The following PIK3AP1 variants were observed in gnomAD, a reference collection of about 807,000 sequenced individuals.
The protein encoded by PIK3AP1 is phosphoinositide-3-kinase adaptor protein 1.
Under a neutral mutation model 88.1 loss-of-function variants are expected in PIK3AP1, and 21 were observed. The observed-to-expected ratio is 0.24, with a 90% CI of 0.17 to 0.34. PIK3AP1 has a LOEUF of 0.34. PIK3AP1 is among the 10% of genes least tolerant of loss of function. The pLI, the probability that PIK3AP1 is intolerant of heterozygous loss-of-function variation, is 1.00. For missense variants in PIK3AP1, 828 were observed against 1,035.7 expected (o/e 0.80, Z 2.75); for synonymous variants, 398 against 400.0 (o/e 1.00, Z 0.06).
rs534560700 is a variant in PIK3AP1, at chr10:96,646,733, G to A, written c.1186-1071C>T. On this transcript the variant is annotated intron_variant, in intron 7 of 16. Coordinates refer to ENST00000339364, the MANE Select transcript of PIK3AP1 (RefSeq NM_152309.3). Reference sequence around the variant, plus strand: ...GTGCCCAAAAGGAGAGATGATCTTGGATAAAGTGTCCTGACATCAGAAAGG... The same window carrying A: ...GTGCCCAAAAGGAGAGATGATCTTGAATAAAGTGTCCTGACATCAGAAAGG... Among the ~76,000 whole-genome samples the A allele has an allele frequency of 7.9e-5, 12 of 152,194 alleles. No homozygotes were observed. In the South Asian group the frequency reaches 2.5e-3, roughly 32 times the overall value.
At chr10:96,632,977 T>C (rs759292781) in intron 8 of PIK3AP1, 1 of 1,612,860 alleles carries the variant, frequency 6.2e-7, no homozygotes, top group East Asian at 2.2e-5. Flanking sequence ...TGGTCTTCCT[T>C]TGAGCCAGTC....
chr10:96,631,651 G>A (rs1466179332), intron 8 of PIK3AP1, among the ~76,000 whole-genome samples: 1 of 152,184 alleles, frequency 6.6e-6, no homozygotes, highest in African/African-American at 2.4e-5. Flanking sequence ...CAATTTGGGA[G>A]GCCAAGGCGG....
chr10:96,683,600 T>C (rs1002926804), intron 2 of PIK3AP1, among the ~76,000 whole-genome samples: 2 of 152,242 alleles, frequency 1.3e-5, no homozygotes, highest in Non-Finnish European at 2.9e-5. Flanking sequence ...TTCAGTTGTA[T>C]TGAAAATTGA....
intron 2 of PIK3AP1, among the ~76,000 whole-genome samples, chr10:96,695,211 A>C (rs769843822): frequency 6.6e-5 from 10 of 152,238 alleles, no homozygotes; most frequent in Non-Finnish European, 1.5e-4. Context: ...ACCCTGGTTC[A>C]GAACAAGTTA....
At chr10:96,687,162 A>G (rs1382853157) in intron 2 of PIK3AP1, among the ~76,000 whole-genome samples, 3 of 146,738 alleles carry the variant, frequency 2.0e-5, no homozygotes, top group Non-Finnish European at 4.5e-5. Context: ...AGGCTGAGGC[A>G]GGAGAATAGT....
Position 96,616,750 on chromosome 10 carries a change from G to A in PIK3AP1, c.1942-39C>T, listed in dbSNP as rs753424818. 2.6e-6 allele frequency: 4 copies of A among 1,562,660 alleles called. No homozygotes were observed. The Admixed American group carries it at 5.0e-5, about 20-fold the overall frequency. ...TGGTTTATTTTTTAAGTGTACAACA[G>A]GATGATACCCTCTGGACATGAGAGT... is the stretch of plus-strand genomic sequence containing the variant. On this transcript the variant is annotated intron_variant, in intron 12 of 16. Coordinates refer to ENST00000339364, the MANE Select transcript of PIK3AP1 (RefSeq NM_152309.3).
rs1844075933 is a variant in PIK3AP1, at chr10:96,686,849, A to T, written c.430+22718T>A. Among the ~76,000 whole-genome samples, 3 of 152,136 alleles carry T rather than the reference A, an allele frequency of 2.0e-5. No individual in the cohort carries two copies. The South Asian group carries it at 6.2e-4, about 32-fold the overall frequency. ...AAAAATACATAAAATTTCAACATGG[A>T]TCCCACAATGGCCCACTCTGCCCTG... On this transcript the variant is annotated intron_variant, in intron 2 of 16. Coordinates refer to ENST00000339364, the MANE Select transcript of PIK3AP1 (RefSeq NM_152309.3).
In PIK3AP1 at chr10:96,646,797, A is replaced by G. The variant is rs552739245; in HGVS notation, c.1186-1135T>C. On this transcript the variant is annotated intron_variant, in intron 7 of 16. Coordinates refer to ENST00000339364, the MANE Select transcript of PIK3AP1 (RefSeq NM_152309.3). ...CCCACTGCCATCCTGCCTCCATGTG[A>G]TTGTGAAGCCAGAGAGGTGACTTCC... 2.6e-5 allele frequency among the ~76,000 whole-genome samples: 4 copies of G among 152,260 alleles called. No homozygotes were observed. The South Asian group carries it at 8.3e-4, about 32-fold the overall frequency.
At chr10:96,603,572 A>G (rs918202736) in intron 15 of PIK3AP1, among the ~76,000 whole-genome samples, 4 of 151,942 alleles carry the variant, frequency 2.6e-5, no homozygotes, top group Admixed American at 6.6e-5. Flanking sequence ...CTGGACTCCA[A>G]GTTCTCCAGT....
At chr10:96,716,142 C>T (rs534575153) in intron 1 of PIK3AP1, among the ~76,000 whole-genome samples, 86 of 149,238 alleles carry the variant, frequency 5.8e-4, no homozygotes, top group Non-Finnish European at 6.3e-4. Context: ...ATTAGCCAGG[C>T]GTGGTGGCAT....
At position 96,594,625 on chromosome 10, in the gene PIK3AP1, A is replaced by G. The variant is rs112967452; in HGVS notation, c.*952T>C. The G allele has an allele frequency of 6.6e-6, 1 of 152,168 alleles. No homozygotes were observed. The highest frequency in any genetic ancestry group is 1.5e-5 in the Non-Finnish European group (1 of 68,028). 9.4% of individuals were successfully genotyped at this position (152,168 alleles called of 1,614,324 possible). Reference sequence around the variant, plus strand: ...AAAAGTCAAAGGTCCTTCTCTCTCTATGACCAGAAATAAAACCTATAAAGG... The same window carrying G: ...AAAAGTCAAAGGTCCTTCTCTCTCTGTGACCAGAAATAAAACCTATAAAGG... On this transcript the variant is annotated 3_prime_UTR_variant, in exon 17 of 17. Transcript: ENST00000339364. The surrounding 1 kb of genome is among the most constrained non-coding windows in gnomAD (Gnocchi z 4.6).
At chr10:96,641,818 T>C (rs1843393139) in intron 8 of PIK3AP1, among the ~76,000 whole-genome samples, 2 of 152,214 alleles carry the variant, frequency 1.3e-5, no homozygotes, top group Admixed American at 6.5e-5. Flanking sequence ...ATCACGGGGA[T>C]ACAGGCAGTC....
intron 16 of PIK3AP1, among the ~76,000 whole-genome samples, chr10:96,597,271 T>TTTCTTTCCTTCCTTCC (rs1373374065): frequency 9.1e-4 from 98 of 107,586 alleles, no homozygotes; most frequent in East Asian, 2.9e-3. Flanking sequence ...TCTTTCTTTC[T>TTTCTTTCCTTCCTTCC]TTCCTTCCTT....
intron 14 of PIK3AP1, among the ~76,000 whole-genome samples, chr10:96,609,054 A>G (rs1000240376): frequency 2.6e-5 from 4 of 152,216 alleles, no homozygotes; most frequent in African/African-American, 7.2e-5. Context: ...TCAGACGACT[A>G]TTGAAGCTTT....
At chr10:96,685,618 T>C (rs769671239) in intron 2 of PIK3AP1, among the ~76,000 whole-genome samples, 18 of 152,222 alleles carry the variant, frequency 1.2e-4, no homozygotes, top group Non-Finnish European at 1.8e-4. Context: ...ATGAAGCCTA[T>C]GAAAGTCTTG....
Position 96,652,830 on chromosome 10 carries a change from C to A in PIK3AP1, c.580G>T (p.Val194Phe), listed in dbSNP as rs1843559320. ...DRIRCGAETT[V>F]YVIVRCKLDD... ...AGCTTACATCTCACAATAACATAGA[C>A]AGTGGTTTCTGCCTGAAACGGGAAG... is the stretch of plus-strand genomic sequence containing the variant. Residue 194 changes from valine (V) to phenylalanine (F), a missense_variant, in exon 4 of 17, where the codon GTC becomes TTC. Physicochemically the swap from Val to Phe is conservative, Grantham distance 50. Coordinates refer to ENST00000339364, the MANE Select transcript of PIK3AP1 (RefSeq NM_152309.3). The A allele has an allele frequency of 6.2e-7, 1 of 1,613,584 alleles. No homozygotes were observed. The highest frequency in any genetic ancestry group is 8.5e-7 in the Non-Finnish European group (1 of 1,179,960).
intron 16 of PIK3AP1, among the ~76,000 whole-genome samples, chr10:96,598,032 TG>T (rs1257186645): frequency 1.1e-4 from 13 of 123,032 alleles, no homozygotes; most frequent in African/African-American, 2.1e-4. Context: ...GGGTTTTTTT[TG>T]TTTTTTTGTT....
chr10:96,716,512 T>C (rs1423394389), intron 1 of PIK3AP1, among the ~76,000 whole-genome samples: 1 of 152,178 alleles, frequency 6.6e-6, no homozygotes, highest in African/African-American at 2.4e-5. Flanking sequence ...ATCTATCACC[T>C]TCCCGAATAT....
rs755399403 is a variant in PIK3AP1, at chr10:96,645,510, G to A, written c.1338C>T (p.Ser446=). The change falls in exon 8 of 17, where the codon TCC becomes TCT. Residue 446 remains serine (S), a synonymous_variant. Coordinates refer to ENST00000339364, the MANE Select transcript of PIK3AP1 (RefSeq NM_152309.3). ...TGGCAGCTGGGACAAAGGCAGCCAT[G>A]GACTCATAGAGATCCTCGTCACAGC... The part of the protein sequence containing the change: ...NPGCDEDLYE[S]MAAFVPAATE... 3.7e-6 allele frequency: 6 copies of A among 1,614,076 alleles called. No individual in the cohort carries two copies. The highest frequency in any genetic ancestry group is 1.3e-5 in the African/African-American group (1 of 75,038).
Sources: allele counts gnomAD v4.1 joint callset (sites outside exome capture counted in the v4.1 genomes callset), GRCh38; gene constraint gnomAD v4.1.1; non-coding constraint Gnocchi (gnomAD v3.1); transcripts MANE v1.5; gene names NCBI Gene and HGNC (gene_info 2026-07-23, HGNC 2026-07-21).